Variants in DLGAP1 observed in about 807,000 individuals in gnomAD.
The protein encoded by DLGAP1 is disks large-associated protein 1.
In DLGAP1, 11 loss-of-function variants were observed where a neutral mutation model predicts 90.8. The observed-to-expected ratio is 0.12, with a 90% CI of 0.08 to 0.20. The LOEUF is 0.20. Among genes scored for constraint, DLGAP1 ranks in the 10% least tolerant of loss-of-function variants. The pLI is 1.00. For missense variants in DLGAP1, 1,050 were observed against 1,333.8 expected (o/e 0.79, Z 3.31); for synonymous variants, 558 against 540.7 (o/e 1.03, Z -0.44).
intron 1 of DLGAP1, among the ~76,000 whole-genome samples, chr18:4,301,316 C>T (rs1449014486): frequency 6.6e-6 from 1 of 152,204 alleles, no homozygotes; most frequent in African/African-American, 2.4e-5. Context: ...CCTCTGGTAA[C>T]CATCATTCCA....
chr18:4,085,779 T>C (rs1020808664), intron 2 of DLGAP1, among the ~76,000 whole-genome samples: 1 of 152,200 alleles, frequency 6.6e-6, no homozygotes, highest in Admixed American at 6.5e-5. Context: ...AACACAATTA[T>C]CCGGTCCAGT....
rs576832120 is a variant in DLGAP1, at chr18:4,205,919, C to T, written c.-266-54632G>A. On this transcript the variant is annotated intron_variant, in intron 1 of 12. Coordinates refer to ENST00000315677, the MANE Select transcript of DLGAP1 (RefSeq NM_004746.4). Reference sequence around the variant, plus strand: ...TAACTCATGTAGTGTGAAGGATGGGCGTGGGGGTAGAGGGCCGGTGAGAAG... The same window carrying T: ...TAACTCATGTAGTGTGAAGGATGGGTGTGGGGGTAGAGGGCCGGTGAGAAG... Among the ~76,000 whole-genome samples the T allele has an allele frequency of 1.4e-4, 22 of 152,148 alleles. 1 individual carries two copies. Among genetic ancestry groups the T allele is most frequent in the Middle Eastern group, 3.4e-3 (1 of 294 alleles).
At chr18:3,817,382 A>C (rs140129135) in intron 4 of DLGAP1, among the ~76,000 whole-genome samples, 80 of 152,296 alleles carry the variant, frequency 5.3e-4, no homozygotes, top group Non-Finnish European at 9.8e-4. Flanking sequence ...CTTTCAATTA[A>C]TCTTACTTTT....
chr18:3,559,461 C>G (rs1377879661), intron 9 of DLGAP1, among the ~76,000 whole-genome samples: 1 of 151,840 alleles, frequency 6.6e-6, no homozygotes, highest in East Asian at 1.9e-4. Flanking sequence ...TTATTTTTGT[C>G]TTTCACATTT....
chr18:4,312,926 T>G (rs1414624130), intron 1 of DLGAP1, among the ~76,000 whole-genome samples: 1 of 152,208 alleles, frequency 6.6e-6, no homozygotes, highest in African/African-American at 2.4e-5. Flanking sequence ...GTGTTAGTTG[T>G]GCAAACATGC....
rs140986002 is a variant in DLGAP1 at position 3,651,902 on chromosome 18, C to T, written c.1592-69654G>A. On this transcript the variant is annotated intron_variant, in intron 7 of 12. Coordinates refer to ENST00000315677, the MANE Select transcript of DLGAP1 (RefSeq NM_004746.4). ...AGGAGAATCACTTGAGCCCAGGAGG[C>T]GGAGGTTGCAGCGAGCCGAGATCAC... is the stretch of plus-strand genomic sequence containing the variant. 5.9e-3 allele frequency among the ~76,000 whole-genome samples: 901 copies of T among 151,514 alleles called. 7 individuals carry two copies. Among genetic ancestry groups the T allele is most frequent in the African/African-American group, 0.021 (859 of 41,298 alleles).
At chr18:3,578,115 G>A (rs190272009) in intron 8 of DLGAP1, among the ~76,000 whole-genome samples, 1 of 152,198 alleles carries the variant, frequency 6.6e-6, no homozygotes, top group African/African-American at 2.4e-5. Flanking sequence ...TTTTCCAGAT[G>A]AAGAATCTGA....
rs183519669 is a variant in DLGAP1, at chr18:3,565,145, G to A, written c.2057+2345C>T. ...CAAGCTGGGCTGGTGGGAGATGGAG[G>A]AATATATTTTCTTTTTCTTTTTAAG... is the stretch of plus-strand genomic sequence containing the variant. On this transcript the variant is annotated intron_variant, in intron 9 of 12. Coordinates refer to ENST00000315677, the MANE Select transcript of DLGAP1 (RefSeq NM_004746.4). The surrounding 1 kb of genome is among the most constrained non-coding windows in gnomAD (Gnocchi z 4.0). 2.0e-5 allele frequency among the ~76,000 whole-genome samples: 3 copies of A among 152,130 alleles called. No homozygotes were observed. The highest frequency in any genetic ancestry group is 2.0e-4 in the Admixed American group (3 of 15,274).
chr18:3,769,480 A>G (rs2064414249), intron 5 of DLGAP1, among the ~76,000 whole-genome samples: 1 of 152,178 alleles, frequency 6.6e-6, no homozygotes, highest in Non-Finnish European at 1.5e-5. Flanking sequence ...TAATCGCCCC[A>G]AATTGCGCAC....
chr18:3,790,211 C>A (rs1360415772), intron 5 of DLGAP1, among the ~76,000 whole-genome samples: 7 of 152,006 alleles, frequency 4.6e-5, no homozygotes, highest in Admixed American at 2.0e-4. Flanking sequence ...TGGAACTTGG[C>A]TCTTCTTTGT....
At chr18:4,195,366 A>G (rs576603071) in intron 1 of DLGAP1, among the ~76,000 whole-genome samples, 1 of 152,288 alleles carries the variant, frequency 6.6e-6, no homozygotes, top group African/African-American at 2.4e-5. Context: ...AAGCCTACGA[A>G]TAGGCATAAG....
intron 1 of DLGAP1, among the ~76,000 whole-genome samples, chr18:4,368,261 T>C (rs1002814393): frequency 1.3e-5 from 2 of 152,228 alleles, no homozygotes; most frequent in Non-Finnish European, 2.9e-5. Flanking sequence ...TGAATTTTTA[T>C]GATTTAGATA....
rs951699696 is a variant in DLGAP1, at chr18:3,879,507, G to A, written c.562C>T (p.Arg188Cys). ...YGKRSKSKER[R>C]AEPKARPSTS... is the part of the protein sequence containing the mutation. The stretch of plus-strand genomic sequence containing the variant: ...CTGGGCCGGGCCTTGGGCTCCGCGC[G>A]CCGCTCCTTGCTCTTGCTGCGTTTG... Residue 188 changes from arginine to cysteine, a missense_variant, in exon 4 of 13, where the codon CGC becomes TGC. Around this residue, in one of 2 missense-constraint regions of DLGAP1, gnomAD observed 485 missense variants for 454.1 expected, o/e 1.07. Coordinates refer to ENST00000315677, the MANE Select transcript of DLGAP1 (RefSeq NM_004746.4). The surrounding 1 kb of genome is among the most constrained non-coding windows in gnomAD (Gnocchi z 6.6). 11 of 1,602,856 alleles carry A rather than the reference G, an allele frequency of 6.9e-6. No homozygotes were observed. Among genetic ancestry groups the A allele is most frequent in the Non-Finnish European group, 9.3e-6 (11 of 1,179,558 alleles).
chr18:4,298,683 T>C (rs1384177732), intron 1 of DLGAP1, among the ~76,000 whole-genome samples: 1 of 151,274 alleles, frequency 6.6e-6, no homozygotes, highest in African/African-American at 2.4e-5. Context: ...AGATGACGAG[T>C]TAGTGGGTGC....
At chr18:3,587,761 C>T (rs147513939) in intron 7 of DLGAP1, among the ~76,000 whole-genome samples, 2,298 of 152,146 alleles carry the variant, frequency 0.015, 65 homozygotes, top group African/African-American at 0.052. Flanking sequence ...ACTAACCCAC[C>T]GGGAGGAACA....
chr18:3,870,067 T>A (rs768861382), intron 4 of DLGAP1, among the ~76,000 whole-genome samples: 15 of 152,150 alleles, frequency 9.9e-5, no homozygotes, highest in Non-Finnish European at 1.0e-4. Context: ...TACTGCCCCC[T>A]TCAGTAAATA....
At chr18:4,390,606 G>A (rs2082321716) in intron 1 of DLGAP1, among the ~76,000 whole-genome samples, 1 of 152,084 alleles carries the variant, frequency 6.6e-6, no homozygotes, top group Non-Finnish European at 1.5e-5. Flanking sequence ...ACGTCATACA[G>A]TTGGAGTCAT....
intron 4 of DLGAP1, among the ~76,000 whole-genome samples, chr18:3,853,378 T>C (rs1165094732): frequency 1.3e-5 from 2 of 152,138 alleles, no homozygotes; most frequent in African/African-American, 4.8e-5. Flanking sequence ...AATGATTGGA[T>C]GTAAGACAGT....
chr18:3,647,051 C>G (rs902883725), intron 7 of DLGAP1, among the ~76,000 whole-genome samples: 1 of 152,034 alleles, frequency 6.6e-6, no homozygotes, highest in Non-Finnish European at 1.5e-5. Flanking sequence ...GAGTTCCAGA[C>G]CAGCCTGACC....
Sources: gnomAD v4.1 joint callset for allele counts (sites outside exome capture counted in the v4.1 genomes callset) on GRCh38, gnomAD v4.1.1 for gene constraint, gnomAD v4.1.1 regional missense constraint, Gnocchi (gnomAD v3.1) non-coding constraint, MANE v1.5 for transcripts, NCBI Gene and HGNC (gene_info 2026-07-23, HGNC 2026-07-21) for gene names.